The following PCDH9 variants were observed in gnomAD, a reference collection of about 807,000 sequenced individuals.
PCDH9 encodes protocadherin 9.
A neutral mutation model predicts 70.6 loss-of-function variants in PCDH9; 24 were observed. That is an observed-to-expected ratio of 0.34 (90% CI 0.25 to 0.48). PCDH9 has a LOEUF of 0.48. Among genes scored for constraint, PCDH9 ranks in the 20% least tolerant of loss-of-function variants. The pLI, the probability that PCDH9 is intolerant of heterozygous loss-of-function variation, is 0.99. For missense variants in PCDH9, 1,281 were observed against 1,503.6 expected, an observed-to-expected ratio of 0.85 and a Z score of 2.45; for synonymous variants, 562 against 558.5, an observed-to-expected ratio of 1.01 and a Z score of -0.09.
intron 2 of PCDH9, among the ~76,000 whole-genome samples, chr13:67,135,873 TGG>T (rs2087220628): frequency 6.6e-6 from 1 of 152,026 alleles, no homozygotes; most frequent in Non-Finnish European, 1.5e-5. Flanking sequence ...TGGTGTTGAC[TGG>T]GGGGATTCTT....
chr13:66,820,779 A>C (rs1424044056), intron 3 of PCDH9, among the ~76,000 whole-genome samples: 1 of 152,196 alleles, frequency 6.6e-6, no homozygotes, highest in Non-Finnish European at 1.5e-5. Flanking sequence ...GTTTTCACAT[A>C]TAAGTACGAG....
chr13:66,827,375 GA>G (rs965220186), intron 3 of PCDH9, among the ~76,000 whole-genome samples: 8 of 116,688 alleles, frequency 6.9e-5, no homozygotes, highest in African/African-American at 2.4e-4. Context: ...AAAAAAAAAA[GA>G]AAAAAAAGAG....
intron 4 of PCDH9, among the ~76,000 whole-genome samples, chr13:66,559,941 T>C (rs1961934959): frequency 6.6e-6 from 1 of 151,904 alleles, no homozygotes; most frequent in Non-Finnish European, 1.5e-5. Flanking sequence ...TTCAGTCATT[T>C]TAACATACAC....
chr13:67,092,796 A>C (rs183286008), intron 2 of PCDH9, among the ~76,000 whole-genome samples: 1 of 152,180 alleles, frequency 6.6e-6, no homozygotes, highest in Admixed American at 6.5e-5. Context: ...GAGTTTTATA[A>C]CATCGTTAGG....
rs1207996257 is a variant in PCDH9, at chr13:66,882,532, A to G, written c.3138+20972T>C. ...CCTGTACTCTAAATTGATTGTATTT[A>G]TACTTTAATTCCATTCAATATAGCA... On this transcript the variant is annotated intron_variant, in intron 3 of 4. Transcript: ENST00000377865. Among the ~76,000 whole-genome samples, 3 of 151,966 alleles carry G rather than the reference A, an allele frequency of 2.0e-5. No individual in the cohort carries two copies. The East Asian group carries it at 5.8e-4, about 29-fold the overall frequency.
At chr13:66,447,911 A>G (rs1396312821) in intron 4 of PCDH9, among the ~76,000 whole-genome samples, 3 of 152,170 alleles carry the variant, frequency 2.0e-5, no homozygotes, top group African/African-American at 7.2e-5. Flanking sequence ...TAATGACATT[A>G]TATCTGAGTT....
intron 3 of PCDH9, among the ~76,000 whole-genome samples, chr13:66,671,403 A>T (rs2078174000): frequency 1.3e-5 from 2 of 152,188 alleles, no homozygotes; most frequent in Admixed American, 1.3e-4. Context: ...AGATCAGAAG[A>T]AGACAGGAAA....
chr13:66,317,660 G>C (rs1955677785), intron 4 of PCDH9, among the ~76,000 whole-genome samples: 1 of 152,000 alleles, frequency 6.6e-6, no homozygotes, highest in Non-Finnish European at 1.5e-5. Flanking sequence ...CTGAGACAGA[G>C]CTCTGATGAA....
At chr13:67,130,308 C>T (rs12862246) in intron 2 of PCDH9, among the ~76,000 whole-genome samples, 35,186 of 151,840 alleles carry the variant, frequency 0.23, 4,179 homozygotes, top group Middle Eastern at 0.28. Flanking sequence ...AAAATCAAAA[C>T]AAAAATGCAA....
intron 3 of PCDH9, among the ~76,000 whole-genome samples, chr13:66,708,664 C>T (rs1316077818): frequency 2.6e-5 from 4 of 152,056 alleles, no homozygotes; most frequent in African/African-American, 9.7e-5. Context: ...CACGCAGAAA[C>T]GTGGAAGATA....
At chr13:66,388,671 T>C (rs1956970813) in intron 4 of PCDH9, among the ~76,000 whole-genome samples, 1 of 152,186 alleles carries the variant, frequency 6.6e-6, no homozygotes, top group Admixed American at 6.5e-5. Flanking sequence ...CAAGAGTTCA[T>C]TGTATTTTGA....
At chr13:66,514,565 G>T (rs1317906191) in intron 4 of PCDH9, among the ~76,000 whole-genome samples, 1 of 151,584 alleles carries the variant, frequency 6.6e-6, no homozygotes, top group Non-Finnish European at 1.5e-5. Context: ...AACAATTTAT[G>T]TTAAAAAATT....
chr13:66,567,266 T>G (rs2076666596), intron 4 of PCDH9, among the ~76,000 whole-genome samples: 1 of 152,166 alleles, frequency 6.6e-6, no homozygotes, highest in Admixed American at 6.5e-5. Flanking sequence ...CATGTTCTAA[T>G]TAGGGAGGAA....
At chr13:67,130,439 A>G (rs17517286) in intron 2 of PCDH9, among the ~76,000 whole-genome samples, 12,896 of 152,182 alleles carry the variant, frequency 0.085, 568 homozygotes, top group Non-Finnish European at 0.092. Context: ...TCTAAAATCT[A>G]AAAAAGGTAT....
intron 2 of PCDH9, among the ~76,000 whole-genome samples, chr13:67,166,419 G>A (rs1048809806): frequency 6.6e-6 from 1 of 152,026 alleles, no homozygotes; most frequent in Admixed American, 6.6e-5. Context: ...ATACAACCTT[G>A]AACAAGTCAC....
intron 3 of PCDH9, among the ~76,000 whole-genome samples, chr13:66,826,313 T>G (rs1387320139): frequency 6.6e-6 from 1 of 152,176 alleles, no homozygotes; most frequent in East Asian, 1.9e-4. Context: ...GTTTTTGGTT[T>G]TTTGGTTTTG....
chr13:66,455,816 A>T (rs1958306988), intron 4 of PCDH9, among the ~76,000 whole-genome samples: 1 of 152,154 alleles, frequency 6.6e-6, no homozygotes, highest in Non-Finnish European at 1.5e-5. Context: ...AAAAATATCC[A>T]GCCAATATAG....
chr13:66,324,171 A>T (rs1955801739), intron 4 of PCDH9, among the ~76,000 whole-genome samples: 1 of 152,062 alleles, frequency 6.6e-6, no homozygotes, highest in Non-Finnish European at 1.5e-5. Flanking sequence ...GCAAACTGTG[A>T]AAGACCATGG....
intron 4 of PCDH9, among the ~76,000 whole-genome samples, chr13:66,376,332 C>G (rs1956746282): frequency 1.3e-5 from 2 of 152,126 alleles, no homozygotes; most frequent in African/African-American, 4.8e-5. Flanking sequence ...TTCCTCAACT[C>G]TCACCAACTG....
Sources: gnomAD v4.1 joint callset for allele counts (sites outside exome capture counted in the v4.1 genomes callset) on GRCh38, gnomAD v4.1.1 for gene constraint, MANE v1.5 for transcripts, NCBI Gene and HGNC (gene_info 2026-07-23, HGNC 2026-07-21) for gene names.